The following PDE1C variants were observed in gnomAD, a reference collection of about 807,000 sequenced individuals.
The protein encoded by PDE1C is dual specificity calcium/calmodulin-dependent 3',5'-cyclic nucleotide phosphodiesterase 1C.
A neutral mutation model predicts 93.1 loss-of-function variants in PDE1C; 62 were observed. The ratio of observed to expected loss-of-function variants is 0.67; its 90% CI spans 0.54 to 0.82. PDE1C has a LOEUF of 0.82. PDE1C is among the 40% of genes least tolerant of loss of function. The probability of loss-of-function intolerance (pLI) is 0.00; values close to 1 mark genes in which losing one functional copy is unlikely to be tolerated. For synonymous variants in PDE1C, 325 were observed against 310.1 expected, an observed-to-expected ratio of 1.05 and a Z score of -0.50; for missense variants, 742 against 884.6, an observed-to-expected ratio of 0.84 and a Z score of 2.04.
At chr7:32,296,479 A>T (rs1812612431) in intron 1 of PDE1C, among the ~76,000 whole-genome samples, 1 of 152,206 alleles carries the variant, frequency 6.6e-6, no homozygotes, top group Non-Finnish European at 1.5e-5. Flanking sequence ...GGAAAGGGGG[A>T]GGGAAGAAGA....
intron 2 of PDE1C, among the ~76,000 whole-genome samples, chr7:32,037,040 C>T (rs1318073280): frequency 2.0e-5 from 3 of 152,138 alleles, no homozygotes; most frequent in African/African-American, 7.2e-5. Context: ...TGCATTCTAT[C>T]AATTACGTAA....
chr7:31,820,073 G>A (rs1182582831), intron 14 of PDE1C, among the ~76,000 whole-genome samples: 2 of 151,992 alleles, frequency 1.3e-5, no homozygotes, highest in Non-Finnish European at 2.9e-5. Context: ...ACTCAAAAAT[G>A]AGAAAAATAT....
the PDE1C span, among the ~76,000 whole-genome samples, chr7:31,717,660 C>T: frequency 1.3e-5 from 2 of 152,098 alleles, no homozygotes; most frequent in Non-Finnish European, 2.9e-5. Flanking sequence ...AACAAAAAGA[C>T]CAAAAATTAA....
intron 1 of PDE1C, among the ~76,000 whole-genome samples, chr7:32,248,998 G>A (rs1809166058): frequency 6.6e-6 from 1 of 152,096 alleles, no homozygotes; most frequent in Non-Finnish European, 1.5e-5. Context: ...AGAGGGACTA[G>A]ACATATTCCC....
chr7:31,631,953 C>A, the PDE1C span, among the ~76,000 whole-genome samples: 21 of 152,120 alleles, frequency 1.4e-4, no homozygotes, highest in African/African-American at 5.1e-4. Context: ...TGACGCCGGC[C>A]GACCAGTGTC....
chr7:31,912,926 T>G (rs553505445), intron 2 of PDE1C, among the ~76,000 whole-genome samples: 1 of 152,192 alleles, frequency 6.6e-6, no homozygotes, highest in Non-Finnish European at 1.5e-5. Context: ...GCCCACATAG[T>G]TGAACTAATT....
chr7:32,077,706 G>A (rs968559042), intron 3 of PDE1C, among the ~76,000 whole-genome samples: 1 of 151,292 alleles, frequency 6.6e-6, no homozygotes, highest in Non-Finnish European at 1.5e-5. Flanking sequence ...GAGTAGCTGG[G>A]ATTACAGGCA....
chr7:31,992,036 C>T (rs969148793), intron 2 of PDE1C, among the ~76,000 whole-genome samples: 24 of 152,184 alleles, frequency 1.6e-4, no homozygotes, highest in African/African-American at 4.8e-5. Context: ...CTTCTGTTTC[C>T]GTGAGCTGAT....
At chr7:32,395,036 T>C (rs1027128072) in intron 1 of PDE1C, among the ~76,000 whole-genome samples, 3 of 152,146 alleles carry the variant, frequency 2.0e-5, no homozygotes, top group African/African-American at 7.2e-5. Flanking sequence ...CTCTATAAAT[T>C]ACCCAGCCTC....
intron 2 of PDE1C, among the ~76,000 whole-genome samples, chr7:32,043,505 C>A (rs1264771808): frequency 6.6e-6 from 1 of 152,162 alleles, no homozygotes; most frequent in Non-Finnish European, 1.5e-5. Context: ...AACTTACTCT[C>A]AAAACCATTT....
At chr7:32,116,847 T>G (rs1046706446) in intron 3 of PDE1C, among the ~76,000 whole-genome samples, 1 of 152,342 alleles carries the variant, frequency 6.6e-6, no homozygotes, top group South Asian at 2.1e-4. Context: ...TATAATCACA[T>G]GGTCATTTCT....
the PDE1C span, among the ~76,000 whole-genome samples, chr7:31,703,342 A>G: frequency 6.6e-6 from 1 of 152,220 alleles, no homozygotes; most frequent in African/African-American, 2.4e-5. Context: ...TTTACCTGGC[A>G]TGAGTGCTGC....
At chr7:32,341,173 CTTTTTTTTTT>C (rs3079623) in intron 1 of PDE1C, among the ~76,000 whole-genome samples, 1 of 84,952 alleles carries the variant, frequency 1.2e-5, no homozygotes, top group African/African-American at 4.3e-5. Context: ...GAAATAAAGT[CTTTTTTTTTT>C]TTTTTTTTTT....
At chr7:31,976,966 C>T (rs1204340162) in intron 2 of PDE1C, among the ~76,000 whole-genome samples, 1 of 152,116 alleles carries the variant, frequency 6.6e-6, no homozygotes, top group Non-Finnish European at 1.5e-5. Context: ...GAAATGCAGA[C>T]TTTCAGGACC....
At chr7:31,632,217 G>C in the PDE1C span, among the ~76,000 whole-genome samples, 1 of 152,104 alleles carries the variant, frequency 6.6e-6, no homozygotes, top group South Asian at 2.1e-4. Context: ...GGGTGGCTGA[G>C]GCAGGTGGAT....
At chr7:31,790,655 T>G (rs116266891) in intron 16 of PDE1C, among the ~76,000 whole-genome samples, 1 of 152,052 alleles carries the variant, frequency 6.6e-6, no homozygotes, top group Non-Finnish European at 1.5e-5. Flanking sequence ...TGTTTTCATA[T>G]CAAAAGCAAT....
intron 17 of PDE1C, among the ~76,000 whole-genome samples, chr7:31,763,691 T>G (rs1435018072): frequency 6.6e-6 from 1 of 152,194 alleles, no homozygotes; most frequent in Non-Finnish European, 1.5e-5. Context: ...GCCCAGAATG[T>G]TGTAGGTATT....
At chr7:32,169,727 A>G in intron 3 of PDE1C, 1 of 1,486,194 alleles carries the variant, frequency 6.7e-7, no homozygotes, top group Non-Finnish European at 9.4e-7. Context: ...ATCTAACTGG[A>G]TTGAAACAAC....
chr7:31,871,995 A>AT (rs1398551367), intron 6 of PDE1C, among the ~76,000 whole-genome samples: 1 of 152,026 alleles, frequency 6.6e-6, no homozygotes, highest in Non-Finnish European at 1.5e-5. Context: ...CAGTGGATGA[A>AT]TGGATAAGGA....
Sources: allele counts gnomAD v4.1 joint callset (sites outside exome capture counted in the v4.1 genomes callset), GRCh38; gene constraint gnomAD v4.1.1; transcripts MANE v1.5; gene names NCBI Gene and HGNC (gene_info 2026-07-23, HGNC 2026-07-21).